The following PKN2 variants were observed in gnomAD, a reference collection of about 807,000 sequenced individuals.
PKN2 encodes protein kinase N2.
PKN2 carries 38 observed loss-of-function variants against 119.1 expected under a neutral mutation model. The observed-to-expected ratio is 0.32, with a 90% CI of 0.25 to 0.42. The LOEUF (loss-of-function observed/expected upper bound fraction) is 0.42. Among genes scored for constraint, PKN2 ranks in the 10% least tolerant of loss-of-function variants. PKN2 has a pLI of 1.00. For missense variants in PKN2, 850 were observed against 1,165.1 expected, an observed-to-expected ratio of 0.73 and a Z score of 3.94; for synonymous variants, 390 against 384.9, an observed-to-expected ratio of 1.01 and a Z score of -0.15.
intron 6 of PKN2, among the ~76,000 whole-genome samples, chr1:88,782,031 AT>A (rs1265808508): frequency 6.6e-6 from 1 of 152,080 alleles, no homozygotes; most frequent in Admixed American, 6.5e-5. Flanking sequence ...ACACAGTATG[AT>A]TTTTTTAGTA....
intron 2 of PKN2, among the ~76,000 whole-genome samples, chr1:88,749,162 TG>T (rs1457455356): frequency 6.6e-6 from 1 of 152,188 alleles, no homozygotes; most frequent in Admixed American, 6.5e-5. Flanking sequence ...GAACAGTGCA[TG>T]CCCTAGGTAC....
At chr1:88,802,382 G>C (rs534105050) in intron 8 of PKN2, among the ~76,000 whole-genome samples, 1 of 151,298 alleles carries the variant, frequency 6.6e-6, no homozygotes, top group Non-Finnish European at 1.5e-5. Flanking sequence ...CTGGAGTGTA[G>C]TGGCATGATC....
chr1:88,826,993 A>C (rs1317720667), intron 18 of PKN2, among the ~76,000 whole-genome samples: 1 of 152,156 alleles, frequency 6.6e-6, no homozygotes, highest in Non-Finnish European at 1.5e-5. Flanking sequence ...TCTCCACTCC[A>C]GTGTGCTAAT....
chr1:88,715,419 CTATT>C lies in PKN2; in HGVS notation c.49-25568_49-25565del, dbSNP rs529295542. Among the ~76,000 whole-genome samples, 47 of 152,208 alleles carry C rather than the reference CTATT, an allele frequency of 3.1e-4. 1 individual carries two copies. The highest frequency in any genetic ancestry group is 1.9e-3 in the South Asian group (9 of 4,820). ...TCCTGGACTTTTTTTGGTTGGTAGA[CTATT>C]AATCATTTCCTCAATTTCAGAGTCT... On this transcript the variant is annotated intron_variant, in intron 1 of 21. Transcript: ENST00000370521.
chr1:88,807,740 G>A lies in PKN2; in HGVS notation c.2067G>A (p.Lys689=), dbSNP rs915916715. The A allele has an allele frequency of 4.4e-6, 7 of 1,601,524 alleles. No homozygotes were observed. The African/African-American group carries it at 8.1e-5, about 18-fold the overall frequency. Reference sequence around the variant, plus strand: ...AGATGTTTGCTATAAAAGCCTTAAAGAAAGGAGATATTGTGGCTCGAGATG... The same window carrying A: ...AGATGTTTGCTATAAAAGCCTTAAAAAAAGGAGATATTGTGGCTCGAGATG... ...TNEMFAIKAL[K]KGDIVARDEV... Residue 689 remains lysine (K), a synonymous_variant, in exon 15 of 22, where the codon AAG becomes AAA. Transcript: ENST00000370521.
chr1:88,692,479 G>A (rs1294871926), intron 1 of PKN2, among the ~76,000 whole-genome samples: 1 of 152,076 alleles, frequency 6.6e-6, no homozygotes, highest in African/African-American at 2.4e-5. Flanking sequence ...ATTCATATTA[G>A]CAATATATGA....
chr1:88,703,632 C>G (rs1666859338), intron 1 of PKN2, among the ~76,000 whole-genome samples: 1 of 152,108 alleles, frequency 6.6e-6, no homozygotes, highest in South Asian at 2.1e-4. Flanking sequence ...GCATTTTCCT[C>G]TCATCACAGA....
In PKN2 at chr1:88,752,210, T is replaced by G. The variant is rs562196192; in HGVS notation, c.350-8012T>G. Among the ~76,000 whole-genome samples the G allele has an allele frequency of 4.6e-5, 7 of 152,280 alleles. No individual in the cohort carries two copies. The South Asian group carries it at 1.4e-3, about 32-fold the overall frequency. On this transcript the variant is annotated intron_variant, in intron 2 of 21. Coordinates refer to ENST00000370521, the MANE Select transcript of PKN2 (RefSeq NM_006256.4). ...CTATCTCCATTTCTTGAATAGTTTC[T>G]TCACCTGTATCAAACTTACTCTTTA...
intron 6 of PKN2, among the ~76,000 whole-genome samples, chr1:88,779,816 T>G (rs1213545736): frequency 6.6e-6 from 1 of 152,250 alleles, no homozygotes; most frequent in East Asian, 1.9e-4. Context: ...TAAACTTCGC[T>G]GTTGCCACTA....
chr1:88,684,848 G>A, intron 1 of PKN2: 1 of 491,880 alleles, frequency 2.0e-6, no homozygotes, highest in Non-Finnish European at 3.6e-6. Flanking sequence ...CACCGCTTTG[G>A]TTTGATTCTG....
At chr1:88,747,290 T>C (rs1268880849) in intron 2 of PKN2, among the ~76,000 whole-genome samples, 1 of 152,150 alleles carries the variant, frequency 6.6e-6, no homozygotes, top group African/African-American at 2.4e-5. Context: ...AAATAAATAT[T>C]TGAGGTGATA....
chr1:88,796,267 A>G (rs1671059497), intron 8 of PKN2, among the ~76,000 whole-genome samples: 1 of 152,110 alleles, frequency 6.6e-6, no homozygotes, highest in Non-Finnish European at 1.5e-5. Flanking sequence ...TCATTGTCAT[A>G]TTTGTGCTCA....
chr1:88,833,080 T>A lies in PKN2; in HGVS notation c.2674T>A (p.Leu892Ile). The A allele has an allele frequency of 6.2e-7, 1 of 1,609,992 alleles. No individual in the cohort carries two copies. The highest frequency in any genetic ancestry group is 8.5e-7 in the Non-Finnish European group (1 of 1,177,860). Residue 892 changes from leucine to isoleucine, a missense_variant, in exon 21 of 22, where the codon TTA becomes ATA. Leu to Ile is a conservative substitution (Grantham distance 5, BLOSUM62 2). Around this residue, in one of 9 missense-constraint regions of PKN2, gnomAD observed 95 missense variants for 150.2 expected, o/e 0.63. Coordinates refer to ENST00000370521, the MANE Select transcript of PKN2 (RefSeq NM_006256.4). Reference protein sequence around the residue: ...TEAISIMRRLLRRNPERRLGA... With the variant: ...TEAISIMRRLIRRNPERRLGA... ...TTTTTATTTTACATTATGCTAGCTG[T>A]TAAGAAGAAATCCTGAACGGCGCCT... is the stretch of plus-strand genomic sequence containing the variant.
chr1:88,745,114 C>T (rs939186824), intron 2 of PKN2, among the ~76,000 whole-genome samples: 2 of 152,064 alleles, frequency 1.3e-5, no homozygotes, highest in African/African-American at 4.8e-5. Context: ...AAATGTTTCT[C>T]AACACAAGAA....
At position 88,744,474 on chromosome 1, in the gene PKN2, G is replaced by A. The variant is rs1668692196; in HGVS notation, c.349+3186G>A. ...TCTCCCTCTGTCACCAGGCTGGAGT[G>A]CAGTGGTGCCATCTCAGCTCACTGC... On this transcript the variant is annotated intron_variant, in intron 2 of 21. Coordinates refer to ENST00000370521, the MANE Select transcript of PKN2 (RefSeq NM_006256.4). Among the ~76,000 whole-genome samples, 10 of 152,346 alleles carry A rather than the reference G, an allele frequency of 6.6e-5. 1 individual carries two copies. The South Asian group carries it at 2.1e-3, about 32-fold the overall frequency.
In PKN2 at chr1:88,684,321, C is replaced by T. The variant is rs1665972944; in HGVS notation, c.-260C>T. The T allele has an allele frequency of 7.3e-6, 3 of 412,616 alleles. No individual in the cohort carries two copies. The highest frequency in any genetic ancestry group is 4.5e-5 in the Admixed American group (1 of 22,380). 25.6% of individuals were successfully genotyped at this position (412,616 alleles called of 1,614,324 possible). A position where few individuals can be genotyped will look rare whatever the true frequency, so the allele number is the denominator to read the frequency against. On this transcript the variant is annotated 5_prime_UTR_variant, in exon 1 of 22. Coordinates refer to ENST00000370521, the MANE Select transcript of PKN2 (RefSeq NM_006256.4). ...AGGCTTGAGGCGGCTCCTGGCGTCG[C>T]CCAGAGGGAGCGACTAGACGAACAG...
intron 2 of PKN2, among the ~76,000 whole-genome samples, chr1:88,755,052 T>G (rs945647026): frequency 1.3e-5 from 2 of 152,196 alleles, no homozygotes; most frequent in African/African-American, 4.8e-5. Flanking sequence ...CAGCAAAGTA[T>G]GTATTTAAGA....
At chr1:88,712,512 A>T (rs1042645683) in intron 1 of PKN2, among the ~76,000 whole-genome samples, 1 of 152,150 alleles carries the variant, frequency 6.6e-6, no homozygotes, top group East Asian at 1.9e-4. Context: ...ATGATTTTGC[A>T]TACTACTAAA....
At chr1:88,784,422 G>C (rs1057321877) in intron 6 of PKN2, among the ~76,000 whole-genome samples, 1 of 151,964 alleles carries the variant, frequency 6.6e-6, no homozygotes, top group Non-Finnish European at 1.5e-5. Context: ...AGGAGGTGCT[G>C]TTCTTTTCTA....
Sources: allele counts gnomAD v4.1 joint callset (sites outside exome capture counted in the v4.1 genomes callset), GRCh38; gene constraint gnomAD v4.1.1; regional missense constraint gnomAD v4.1.1; transcripts MANE v1.5; gene names NCBI Gene and HGNC (gene_info 2026-07-23, HGNC 2026-07-21).